The following TENM4 variants were observed in gnomAD, a reference collection of about 807,000 sequenced individuals.
TENM4 encodes teneurin transmembrane protein 4, also known as teneurin-4.
In TENM4, 82 loss-of-function variants were observed where a neutral mutation model predicts 243.3. The observed-to-expected ratio is 0.34, with a 90% CI of 0.28 to 0.40. The LOEUF is 0.40. Among genes scored for constraint, TENM4 ranks in the 10% least tolerant of loss-of-function variants. The pLI, the probability that TENM4 is intolerant of heterozygous loss-of-function variation, is 1.00. For synonymous variants in TENM4, 1,412 were observed against 1,456.3 expected (o/e 0.97, Z 0.69); for missense variants, 3,138 against 3,673.3 (o/e 0.85, Z 3.77).
At chr11:79,424,729 T>G (rs1239250911) in intron 1 of TENM4, among the ~76,000 whole-genome samples, 1 of 151,960 alleles carries the variant, frequency 6.6e-6, no homozygotes, top group African/African-American at 2.4e-5. Context: ...GGTCAGGATA[T>G]CGAGACCACC....
chr11:79,426,309 T>C (rs548676334), intron 1 of TENM4, among the ~76,000 whole-genome samples: 1 of 152,300 alleles, frequency 6.6e-6, no homozygotes, highest in African/African-American at 2.4e-5. Flanking sequence ...CAGCACCTCC[T>C]GGAGAGGAAC....
chr11:79,072,952 T>G (rs1184314987), intron 4 of TENM4, among the ~76,000 whole-genome samples: 12 of 152,192 alleles, frequency 7.9e-5, no homozygotes, highest in Admixed American at 7.9e-4. Context: ...TTGCTTGCTT[T>G]TACTATGATT....
chr11:78,785,974 T>TA (rs58515906), intron 16 of TENM4, among the ~76,000 whole-genome samples: 10 of 150,468 alleles, frequency 6.6e-5, no homozygotes, highest in South Asian at 6.4e-4. Context: ...ACCCTTCATT[T>TA]AAAAAAAAAA....
chr11:78,915,019 T>C (rs1315691295), intron 6 of TENM4, among the ~76,000 whole-genome samples: 1 of 152,214 alleles, frequency 6.6e-6, no homozygotes, highest in Non-Finnish European at 1.5e-5. Context: ...CCCCACTGCC[T>C]ACAGTACGAG....
At chr11:78,754,509 G>A (rs1856260055) in intron 19 of TENM4, among the ~76,000 whole-genome samples, 1 of 152,200 alleles carries the variant, frequency 6.6e-6, no homozygotes, top group Non-Finnish European at 1.5e-5. Flanking sequence ...GCCATAGGCA[G>A]CCAACAAGCC....
At chr11:79,003,301 AC>A (rs1170315222) in intron 6 of TENM4, among the ~76,000 whole-genome samples, 1 of 152,028 alleles carries the variant, frequency 6.6e-6, no homozygotes, top group African/African-American at 2.4e-5. Flanking sequence ...AATGTAGACA[AC>A]CCTTGTGAGA....
At position 78,805,277 on chromosome 11, in the gene TENM4, T is replaced by TGCCCCCCCCACCCACCCCCC; in HGVS notation, c.2179+14_2179+15insGGGGGGTGGGTGGGGGGGGC. ...CCCCTCCCTCTACCCATGCTTCTTC[T>TGCCCCCCCCACCCACCCCCC]CCCCCTGCATTTACCGATAGAACAG... On this transcript the variant is annotated intron_variant, in intron 15 of 33. Transcript: ENST00000278550. 1 of 1,402,550 alleles carries TGCCCCCCCCACCCACCCCCC rather than the reference T, an allele frequency of 7.1e-7. No homozygotes were observed. The highest frequency in any genetic ancestry group is 9.7e-7 in the Non-Finnish European group (1 of 1,033,116). The allele number at this position is 1,402,550 out of a possible 1,614,324, so 86.9% of individuals were successfully genotyped here. A position where few individuals can be genotyped will look rare whatever the true frequency, so the allele number is the denominator to read the frequency against.
rs544597729 is a variant in TENM4, at chr11:78,738,832, G to A, written c.2757-262C>T. Among the ~76,000 whole-genome samples the A allele has an allele frequency of 2.0e-5, 3 of 152,354 alleles. No homozygotes were observed. In the East Asian group the frequency reaches 5.8e-4, roughly 29 times the overall value. On this transcript the variant is annotated intron_variant, in intron 19 of 33. Transcript: ENST00000278550. Reference sequence around the variant, plus strand: ...TCGGAGGTTATTTTCTAAGGATACTGTATTATGCTGTAAGGAGATAAAGCT... The same window carrying A: ...TCGGAGGTTATTTTCTAAGGATACTATATTATGCTGTAAGGAGATAAAGCT...
intron 6 of TENM4, among the ~76,000 whole-genome samples, chr11:78,983,902 A>G (rs531691262): frequency 2.6e-5 from 4 of 152,304 alleles, no homozygotes; most frequent in African/African-American, 9.6e-5. Flanking sequence ...CACTAACCCA[A>G]ACAGGACTTC....
At chr11:78,712,853 G>T in intron 25 of TENM4, 139 bp from the exon 26 acceptor site, 1 of 807,056 alleles carries the variant, frequency 1.2e-6, no homozygotes, top group South Asian at 1.9e-5. Context: ...TTGGGTGATG[G>T]TTCCCCAATT....
At position 79,018,371 on chromosome 11, in the gene TENM4, C is replaced by A. The variant is rs1265968387; in HGVS notation, c.493+46367G>T. On this transcript the variant is annotated intron_variant, in intron 6 of 33. Coordinates refer to ENST00000278550, the MANE Select transcript of TENM4 (RefSeq NM_001098816.3). The stretch of plus-strand genomic sequence containing the variant: ...TGGTCTGATAGGCCAGGGGTAATCT[C>A]ATTTCTCTGGGCTGCTTAAGGATCA... Among the ~76,000 whole-genome samples the A allele has an allele frequency of 5.3e-5, 8 of 152,240 alleles. No individual in the cohort carries two copies. In the South Asian group the frequency reaches 1.2e-3, roughly 24 times the overall value.
chr11:79,248,788 T>TA (rs1208869290), intron 2 of TENM4, among the ~76,000 whole-genome samples: 2 of 152,138 alleles, frequency 1.3e-5, no homozygotes, highest in Non-Finnish European at 2.9e-5. Flanking sequence ...TTTTTTCCCC[T>TA]AGCAGAGACT....
intron 6 of TENM4, among the ~76,000 whole-genome samples, chr11:78,936,132 C>T (rs1856778222): frequency 6.6e-6 from 1 of 152,188 alleles, no homozygotes; most frequent in Non-Finnish European, 1.5e-5. Context: ...GGCTGGAATG[C>T]ATCTTATGGC....
At chr11:78,797,708 C>T (rs899512275) in intron 15 of TENM4, among the ~76,000 whole-genome samples, 2 of 152,202 alleles carry the variant, frequency 1.3e-5, no homozygotes, top group East Asian at 1.9e-4. Flanking sequence ...GAGGCTCTTC[C>T]GTGCCGCCCT....
intron 1 of TENM4, among the ~76,000 whole-genome samples, chr11:79,326,429 G>T (rs568622497): frequency 6.6e-6 from 1 of 152,172 alleles, no homozygotes; most frequent in Admixed American, 6.5e-5. Flanking sequence ...CTTCTCAAAG[G>T]CTTCCTTTTC....
chr11:79,243,873 G>A (rs986556521), intron 2 of TENM4, among the ~76,000 whole-genome samples: 40 of 152,190 alleles, frequency 2.6e-4, no homozygotes, highest in Non-Finnish European at 3.2e-4. Context: ...CCCATGTCCC[G>A]CGGTGCCTAC....
chr11:79,348,398 C>G lies in TENM4; in HGVS notation c.-320-50855G>C, dbSNP rs763009294. ...GTATCCCATACCAAAACACAGGGAT[C>G]ATACAAGATGCCTCAGAGTCAAAAT... On this transcript the variant is annotated intron_variant, in intron 1 of 33. Coordinates refer to ENST00000278550, the MANE Select transcript of TENM4 (RefSeq NM_001098816.3). Among the ~76,000 whole-genome samples, 5 of 152,144 alleles carry G rather than the reference C, an allele frequency of 3.3e-5. No homozygotes were observed. The South Asian group carries it at 6.2e-4, about 19-fold the overall frequency.
At chr11:78,794,199 G>C (rs747117853) in intron 15 of TENM4, among the ~76,000 whole-genome samples, 9 of 152,160 alleles carry the variant, frequency 5.9e-5, no homozygotes, top group Non-Finnish European at 8.8e-5. Flanking sequence ...GGGAAAGGAG[G>C]GGTTGAAGAT....
chr11:78,993,841 T>C (rs1215360979), intron 6 of TENM4, among the ~76,000 whole-genome samples: 1 of 152,200 alleles, frequency 6.6e-6, no homozygotes, highest in Non-Finnish European at 1.5e-5. Context: ...ATTCCTGTAA[T>C]CTATGTTTCT....
Sources: allele counts gnomAD v4.1 joint callset (sites outside exome capture counted in the v4.1 genomes callset), GRCh38; gene constraint gnomAD v4.1.1; transcripts MANE v1.5; gene names NCBI Gene and HGNC (gene_info 2026-07-23, HGNC 2026-07-21).